Variants in PVT1 observed in about 807,000 individuals in gnomAD.
PVT1 encodes the protein CXCR4/PVT1 fusion.
At chr8:127,931,128 A>T (rs918350183) in intron 3 of PVT1, among the ~76,000 whole-genome samples, 1 of 151,652 alleles carries the variant, frequency 6.6e-6, no homozygotes, top group Non-Finnish European at 1.5e-5. Flanking sequence ...CTGGTCTCAA[A>T]CTCCTGGGCT....
chr8:127,922,957 C>T (rs1253695677), intron 3 of PVT1, among the ~76,000 whole-genome samples: 1 of 152,254 alleles, frequency 6.6e-6, no homozygotes, highest in Non-Finnish European at 1.5e-5. Context: ...GGCCATCTCC[C>T]CACCTTGCTG....
chr8:127,894,586 A>G (rs1815650905), intron 3 of PVT1, among the ~76,000 whole-genome samples: 1 of 152,246 alleles, frequency 6.6e-6, no homozygotes, highest in Non-Finnish European at 1.5e-5. Flanking sequence ...CATGTTATAG[A>G]TAAGAATAAA....
At chr8:128,039,998 C>T (rs927576096) in intron 4 of PVT1, among the ~76,000 whole-genome samples, 1 of 152,170 alleles carries the variant, frequency 6.6e-6, no homozygotes, top group Non-Finnish European at 1.5e-5. Context: ...GGCCAATCCT[C>T]AGGGTGAGCA....
intron 2 of PVT1, among the ~76,000 whole-genome samples, chr8:127,878,742 A>C (rs1206606713): frequency 6.6e-6 from 1 of 152,200 alleles, no homozygotes; most frequent in East Asian, 1.9e-4. Context: ...CCTGAGTCCT[A>C]ATGGATCTGT....
chr8:127,936,925 C>A (rs986719552), intron 3 of PVT1, among the ~76,000 whole-genome samples: 1 of 152,222 alleles, frequency 6.6e-6, no homozygotes, highest in African/African-American at 2.4e-5. Flanking sequence ...TGGGAGGGAC[C>A]GGCTGAAGCA....
At chr8:127,831,989 T>G (rs1243449937) in intron 2 of PVT1, among the ~76,000 whole-genome samples, 1 of 152,200 alleles carries the variant, frequency 6.6e-6, no homozygotes, top group Non-Finnish European at 1.5e-5. Flanking sequence ...ATTAGCTCAT[T>G]TGATTCTCAA....
At chr8:127,998,589 C>T (rs145864105) in intron 4 of PVT1, among the ~76,000 whole-genome samples, 1 of 136,952 alleles carries the variant, frequency 7.3e-6, no homozygotes, top group African/African-American at 2.7e-5. Context: ...TCCCTCTTTT[C>T]TTTTCTTTTT....
chr8:128,003,507 G>A (rs988680142), intron 4 of PVT1, among the ~76,000 whole-genome samples: 3 of 151,998 alleles, frequency 2.0e-5, no homozygotes, highest in African/African-American at 7.2e-5. Flanking sequence ...TCCCATGCCT[G>A]ACTAGTTTTT....
chr8:128,023,199 T>A (rs1006410428), intron 4 of PVT1, among the ~76,000 whole-genome samples: 2 of 152,200 alleles, frequency 1.3e-5, no homozygotes, highest in South Asian at 4.1e-4. Flanking sequence ...TGTTTCCATT[T>A]CCACTGTTGA....
intron 2 of PVT1, among the ~76,000 whole-genome samples, chr8:127,889,419 C>CG (rs1408666352): frequency 6.6e-6 from 1 of 151,412 alleles, no homozygotes; most frequent in Non-Finnish European, 1.5e-5. Flanking sequence ...CGTGAGCCAC[C>CG]GCGCCCAGCC....
chr8:127,890,742 C>G (rs896249695), exon 3 of PVT1: 1 of 152,220 alleles, frequency 6.6e-6, no homozygotes, highest in Admixed American at 6.5e-5. Context: ...GAACCATGCA[C>G]TGGAATGACA....
At chr8:127,975,379 TA>T (rs1305949568) in intron 3 of PVT1, among the ~76,000 whole-genome samples, 1 of 152,232 alleles carries the variant, frequency 6.6e-6, no homozygotes, top group Non-Finnish European at 1.5e-5. Context: ...TAGATTTATA[TA>T]TTTTTTTATC....
intron 5 of PVT1, among the ~76,000 whole-genome samples, chr8:128,086,994 A>G (rs1225104647): frequency 6.6e-6 from 1 of 152,194 alleles, no homozygotes; most frequent in Admixed American, 6.5e-5. Context: ...TTTCTTATCT[A>G]CTTCCCAGAA....
chr8:127,998,554 TC>T (rs199620931), intron 4 of PVT1, among the ~76,000 whole-genome samples: 2 of 151,100 alleles, frequency 1.3e-5, no homozygotes, highest in East Asian at 3.9e-4. Context: ...TCTCTCTCTC[TC>T]TCTTCCTTCC....
intron 4 of PVT1, among the ~76,000 whole-genome samples, chr8:127,990,479 G>A (rs1586470358): frequency 1.3e-5 from 2 of 152,146 alleles, no homozygotes; most frequent in South Asian, 4.1e-4. Context: ...AAAGAATGAG[G>A]TCAGTTGCAA....
At chr8:127,980,144 A>G (rs940403653) in intron 3 of PVT1, among the ~76,000 whole-genome samples, 3 of 152,174 alleles carry the variant, frequency 2.0e-5, no homozygotes, top group South Asian at 4.1e-4. Context: ...GACCTCCTGA[A>G]GCGCTGGGAT....
intron 4 of PVT1, among the ~76,000 whole-genome samples, chr8:128,063,994 A>G (rs1813867306): frequency 6.6e-6 from 1 of 152,212 alleles, no homozygotes; most frequent in Non-Finnish European, 1.5e-5. Flanking sequence ...AATTAAAAAA[A>G]AAGATTAAAG....
At chr8:127,991,376 C>A (rs554260722) in intron 4 of PVT1, among the ~76,000 whole-genome samples, 2 of 152,088 alleles carry the variant, frequency 1.3e-5, no homozygotes, top group Admixed American at 6.5e-5. Context: ...GATCTCCTGA[C>A]CTTGTGATCT....
rs1474685593 is a variant in PVT1 at position 127,898,810 on chromosome 8, G to T, written n.782+7812G>T. 6.6e-6 allele frequency among the ~76,000 whole-genome samples: 1 copy of T among 152,206 alleles called. No homozygotes were observed. Among genetic ancestry groups the T allele is most frequent in the East Asian group, 1.9e-4 (1 of 5,198 alleles). On this transcript the variant is annotated intron_variant and non_coding_transcript_variant, in intron 3 of 10. Transcript: ENST00000651587. The surrounding 1 kb of genome is among the most constrained non-coding windows in gnomAD (Gnocchi z 4.4). Reference sequence around the variant, plus strand: ...ACACGCTGATAGCTGGATTTCCAGTGCAGTTGCTGGGGATGGGGGTCTTTC... The same window carrying T: ...ACACGCTGATAGCTGGATTTCCAGTTCAGTTGCTGGGGATGGGGGTCTTTC...
Sources: gnomAD v4.1 joint callset for allele counts (sites outside exome capture counted in the v4.1 genomes callset) on GRCh38, gnomAD v4.1.1 for gene constraint, Gnocchi (gnomAD v3.1) non-coding constraint, MANE v1.5 for transcripts, NCBI Gene and HGNC (gene_info 2026-07-23, HGNC 2026-07-21) for gene names.